Variants in PGBD2 observed in about 807,000 individuals in gnomAD.
PGBD2 encodes the protein piggyBac transposable element-derived protein 2.
A neutral mutation model predicts 8.1 loss-of-function variants in PGBD2; 6 were observed. The observed-to-expected ratio is 0.74, with a 90% CI of 0.40 to 1.46. The LOEUF (loss-of-function observed/expected upper bound fraction) is 1.46, where lower values mean the gene tolerates loss of function less well. PGBD2 is among the 40% of genes most tolerant of loss of function. The pLI is 0.02. For missense variants in PGBD2, 802 were observed against 739.0 expected, an observed-to-expected ratio of 1.09 and a Z score of -0.99; for synonymous variants, 318 against 272.2, an observed-to-expected ratio of 1.17 and a Z score of -1.66.
At chr1:248,927,913 A>C in the PGBD2 span, among the ~76,000 whole-genome samples, 1 of 152,354 alleles carries the variant, frequency 6.6e-6, no homozygotes, top group African/African-American at 2.4e-5. Context: ...TTCATGAACC[A>C]AAACCAAAGT....
At chr1:248,892,762 A>T in the PGBD2 span, among the ~76,000 whole-genome samples, 1 of 152,228 alleles carries the variant, frequency 6.6e-6, no homozygotes. Flanking sequence ...GTCTATGTGA[A>T]CAATATGATT....
chr1:248,904,126 C>G (rs1406962051), upstream of PGBD2, among the ~76,000 whole-genome samples: 1 of 151,658 alleles, frequency 6.6e-6, no homozygotes, highest in Admixed American at 6.6e-5. Flanking sequence ...TATAAACAAA[C>G]TAGGCTGCAA....
the PGBD2 span, among the ~76,000 whole-genome samples, chr1:248,894,617 T>C: frequency 1.3e-5 from 2 of 152,218 alleles, no homozygotes; most frequent in Non-Finnish European, 1.5e-5. Context: ...TCTTTCACTT[T>C]AATAAGTCAA....
intron 1 of PGBD2, among the ~76,000 whole-genome samples, chr1:248,908,397 G>A (rs2103103380): frequency 6.6e-6 from 1 of 152,294 alleles, no homozygotes; most frequent in African/African-American, 2.4e-5. Context: ...TAGGCTTAGT[G>A]AATGGCACCT....
At position 248,913,887 on chromosome 1, in the gene PGBD2, T is replaced by A; in HGVS notation, c.17+8T>A. The A allele has an allele frequency of 6.2e-7, 1 of 1,606,328 alleles. No individual in the cohort carries two copies. The highest frequency in any genetic ancestry group is 8.5e-7 in the Non-Finnish European group (1 of 1,173,202). On this transcript the variant is annotated splice_region_variant and intron_variant, in intron 2 of 2. Transcript: ENST00000329291. The stretch of plus-strand genomic sequence containing the variant: ...CATGGCTTCAACATCCAGGTAGGAG[T>A]GCTGTTTGATCAAATGTTTTATTGA...
chr1:248,909,168 T>C (rs938891948), intron 1 of PGBD2, among the ~76,000 whole-genome samples: 6 of 152,126 alleles, frequency 3.9e-5, no homozygotes, highest in African/African-American at 1.4e-4. Context: ...CATGTCCTCT[T>C]CCTCTGTTGG....
At chr1:248,892,296 T>TTCCC in the PGBD2 span, among the ~76,000 whole-genome samples, 1 of 124,356 alleles carries the variant, frequency 8.0e-6, no homozygotes, top group Non-Finnish European at 1.6e-5. Flanking sequence ...CCTTCCTTCC[T>TTCCC]TCCCTTCCTT....
At chr1:248,883,584 C>CTTTTTTTT in the PGBD2 span, among the ~76,000 whole-genome samples, 25 of 89,140 alleles carry the variant, frequency 2.8e-4, no homozygotes, top group East Asian at 6.5e-4. Context: ...TTTTTTTTTT[C>CTTTTTTTT]TTTTTTTTTT....
rs1662168787 is a variant in PGBD2 at position 248,917,849 on chromosome 1, G to T, written c.1265G>T (p.Cys422Phe). 6.2e-7 allele frequency: 1 copy of T among 1,614,080 alleles called. No individual in the cohort carries two copies. ...RWHDSSVVNI[C>F]SNAVGIEPVR... The stretch of plus-strand genomic sequence containing the variant: ...CACGATAGCAGCGTGGTCAACATTT[G>T]CTCCAATGCTGTGGGCATAGAGCCA... Residue 422 changes from cysteine (C) to phenylalanine (F), a missense_variant, in exon 3 of 3, where the codon TGC becomes TTC. Transcript: ENST00000329291.
At chr1:248,921,346 G>C (rs1662283467), downstream of PGBD2, among the ~76,000 whole-genome samples, 1 of 152,170 alleles carries the variant, frequency 6.6e-6, no homozygotes, top group South Asian at 2.1e-4. Context: ...TCCAGTTTCA[G>C]TTTTCTGCAT....
the PGBD2 span, among the ~76,000 whole-genome samples, chr1:248,900,169 C>T: frequency 6.0e-5 from 9 of 150,570 alleles, no homozygotes; most frequent in African/African-American, 2.2e-4. Context: ...TAAAGAGGAG[C>T]TGGTAACATT....
chr1:248,918,066 C>T lies in PGBD2; in HGVS notation c.1482C>T (p.Ala494=). The T allele has an allele frequency of 6.2e-7, 1 of 1,614,158 alleles. No homozygotes were observed. Among genetic ancestry groups the T allele is most frequent in the Non-Finnish European group, 8.5e-7 (1 of 1,180,036 alleles). Residue 494 remains alanine, a synonymous_variant, in exon 3 of 3, where the codon GCC becomes GCT. Transcript: ENST00000329291. The part of the protein sequence containing the change: ...SSFIGYVIDA[A]LNNAWQLHRI... ...TTATTGGCTATGTCATTGATGCTGC[C>T]CTCAACAATGCATGGCAGCTGCATA... is the stretch of plus-strand genomic sequence containing the variant.
the PGBD2 span, among the ~76,000 whole-genome samples, chr1:248,894,683 C>A: frequency 8.8e-6 from 1 of 113,400 alleles, no homozygotes; most frequent in Non-Finnish European, 1.5e-5. Context: ...CCTTTCTTCC[C>A]TCCCTCCCTC....
chr1:248,920,932 TAA>T (rs750601808), downstream of PGBD2, among the ~76,000 whole-genome samples: 1 of 152,238 alleles, frequency 6.6e-6, no homozygotes, highest in African/African-American at 2.4e-5. Flanking sequence ...ATTGGCTGCA[TAA>T]ATGTCTTCTT....
intron 2 of PGBD2, chr1:248,914,325 A>G: frequency 2.3e-6 from 2 of 860,380 alleles, no homozygotes; most frequent in Non-Finnish European, 1.4e-6. Context: ...GAACTGGGTG[A>G]GGACAGGTCA....
the PGBD2 span, among the ~76,000 whole-genome samples, chr1:248,886,548 A>G: frequency 3.3e-5 from 5 of 152,230 alleles, no homozygotes; most frequent in Non-Finnish European, 5.9e-5. Flanking sequence ...CTTCCTAGAC[A>G]TTGGGATAAA....
chr1:248,875,996 G>A, the PGBD2 span, among the ~76,000 whole-genome samples: 1 of 120,612 alleles, frequency 8.3e-6, no homozygotes, highest in East Asian at 2.8e-4. Context: ...ACTTTAAACT[G>A]TTCTTTTTTT....
downstream of PGBD2, among the ~76,000 whole-genome samples, chr1:248,921,596 C>T (rs1315478305): frequency 6.6e-6 from 1 of 152,126 alleles, no homozygotes; most frequent in African/African-American, 2.4e-5. Context: ...CCTTTTTCCC[C>T]AGGATTGTCT....
chr1:248,918,534 G>A lies in PGBD2; in HGVS notation c.*171G>A. The A allele has an allele frequency of 2.3e-6, 1 of 427,580 alleles. No individual in the cohort carries two copies. Among genetic ancestry groups the A allele is most frequent in the Non-Finnish European group, 4.1e-6 (1 of 241,780 alleles). The allele number at this position is 427,580 out of a possible 1,614,324, so 26.5% of individuals were successfully genotyped here. A position where few individuals can be genotyped will look rare whatever the true frequency, so the allele number is the denominator to read the frequency against. On this transcript the variant is annotated 3_prime_UTR_variant, in exon 3 of 3. Transcript: ENST00000329291. The stretch of plus-strand genomic sequence containing the variant: ...TATCTTTTTTATTGTGTTGTGTTAT[G>A]CCTACATGTGATATAAATTAATATT...
Sources: gnomAD v4.1 joint callset for allele counts (sites outside exome capture counted in the v4.1 genomes callset) on GRCh38, gnomAD v4.1.1 for gene constraint, MANE v1.5 for transcripts, NCBI Gene and HGNC (gene_info 2026-07-23, HGNC 2026-07-21) for gene names.